The following USH2A variants were observed in gnomAD, a reference collection of about 807,000 sequenced individuals.
USH2A encodes usherin, also known as Usher syndrome 2A (autosomal recessive, mild).
A neutral mutation model predicts 538.9 loss-of-function variants in USH2A; 443 were observed. That is an observed-to-expected ratio of 0.82 (90% confidence interval 0.76 to 0.89). USH2A has a LOEUF of 0.89. USH2A is among the 40% of genes least tolerant of loss of function. The pLI, the probability that USH2A is intolerant of heterozygous loss-of-function variation, is 0.00. For synonymous variants in USH2A, 2,413 were observed against 2,273.5 expected (o/e 1.06, Z -1.75); for missense variants, 6,633 against 6,324.8 (o/e 1.05, Z -1.65).
intron 61 of USH2A, among the ~76,000 whole-genome samples, chr1:215,683,890 C>A (rs1461605237): frequency 6.6e-6 from 1 of 152,102 alleles, no homozygotes; most frequent in Non-Finnish European, 1.5e-5. Flanking sequence ...TGACTTCTGG[C>A]CTGCCACCTT....
chr1:216,303,020 G>C (rs1486314579), intron 9 of USH2A, among the ~76,000 whole-genome samples: 4 of 151,852 alleles, frequency 2.6e-5, no homozygotes, highest in Admixed American at 6.6e-5. Flanking sequence ...ATTCTTATTT[G>C]TTAATTTTCA....
intron 58 of USH2A, among the ~76,000 whole-genome samples, chr1:215,745,675 C>G (rs1167471241): frequency 1.3e-5 from 2 of 152,156 alleles, no homozygotes; most frequent in Non-Finnish European, 2.9e-5. Flanking sequence ...AGTTAAATAA[C>G]TTGTTCCAGA....
chr1:215,676,776 G>T (rs889094874), intron 62 of USH2A, among the ~76,000 whole-genome samples: 3 of 140,916 alleles, frequency 2.1e-5, no homozygotes, highest in Admixed American at 1.5e-4. Flanking sequence ...TGCAGCCTCT[G>T]TGACCCCCCA....
At chr1:216,161,298 T>C (rs2034054583) in intron 21 of USH2A, among the ~76,000 whole-genome samples, 1 of 152,066 alleles carries the variant, frequency 6.6e-6, no homozygotes, top group Non-Finnish European at 1.5e-5. Flanking sequence ...TTTATCAGCT[T>C]AACCTGTGTT....
In USH2A at chr1:216,199,805, A is replaced by T. The variant is rs1221995004; in HGVS notation, c.3633T>A (p.Val1211=). ...CAGAAAAATCGTACTTGGCAAATGG[A>T]ACCAGATTCCAGATGGTAGCTGAGG... The part of the protein sequence containing the change: ...HETSATIWNL[V]PFAKYDFSVQ... Residue 1211 remains valine (V), a synonymous_variant, in exon 17 of 72, where the codon GTT becomes GTA. Transcript: ENST00000307340. 6.2e-7 allele frequency: 1 copy of T among 1,614,138 alleles called. No homozygotes were observed. Among genetic ancestry groups the T allele is most frequent in the South Asian group, 1.1e-5 (1 of 91,086 alleles).
chr1:215,821,437 C>G (rs755789512), intron 47 of USH2A, among the ~76,000 whole-genome samples: 2 of 151,606 alleles, frequency 1.3e-5, no homozygotes, highest in African/African-American at 4.8e-5. Flanking sequence ...ATCATTTTCC[C>G]ATTTTTAATC....
chr1:215,828,271 G>A (rs1663211105), intron 47 of USH2A, among the ~76,000 whole-genome samples: 1 of 152,054 alleles, frequency 6.6e-6, no homozygotes, highest in South Asian at 2.1e-4. Context: ...GGGCGACACA[G>A]TGAGACCCCA....
At chr1:216,140,102 A>G (rs1248546864) in intron 21 of USH2A, among the ~76,000 whole-genome samples, 1 of 152,232 alleles carries the variant, frequency 6.6e-6, no homozygotes, top group Non-Finnish European at 1.5e-5. Flanking sequence ...GTGGCTAAAG[A>G]CAATTTGACT....
At chr1:216,237,770 T>C (rs2035859201) in intron 13 of USH2A, among the ~76,000 whole-genome samples, 1 of 152,200 alleles carries the variant, frequency 6.6e-6, no homozygotes, top group Non-Finnish European at 1.5e-5. Flanking sequence ...AATTGTCAAT[T>C]AGCAAGTTTT....
At chr1:215,802,903 T>C (rs946246946) in intron 49 of USH2A, among the ~76,000 whole-genome samples, 3 of 152,094 alleles carry the variant, frequency 2.0e-5, no homozygotes, top group African/African-American at 7.2e-5. Flanking sequence ...AAAAGTGTTA[T>C]ATACATACAA....
intron 37 of USH2A, among the ~76,000 whole-genome samples, chr1:215,951,419 C>T (rs1179653955): frequency 1.3e-5 from 2 of 152,118 alleles, no homozygotes; most frequent in Admixed American, 6.6e-5. Context: ...GTCTGAGAGA[C>T]AGTTTGTTAT....
At chr1:215,973,611 CCTCT>C (rs1667547232) in intron 35 of USH2A, among the ~76,000 whole-genome samples, 1 of 151,794 alleles carries the variant, frequency 6.6e-6, no homozygotes, top group Non-Finnish European at 1.5e-5. Context: ...TCTTCTACAT[CCTCT>C]CTCAGTGACA....
intron 55 of USH2A, among the ~76,000 whole-genome samples, chr1:215,768,751 C>G (rs1661199435): frequency 6.6e-6 from 1 of 152,058 alleles, no homozygotes; most frequent in Non-Finnish European, 1.5e-5. Flanking sequence ...CAATGTCTCC[C>G]CTTCATTCTC....
At chr1:216,245,917 C>T (rs113797198) in intron 13 of USH2A, among the ~76,000 whole-genome samples, 70 of 152,154 alleles carry the variant, frequency 4.6e-4, no homozygotes, top group African/African-American at 1.4e-3. Context: ...TGTTAAACAA[C>T]GGATAAGTAC....
chr1:215,751,084 G>A (rs980954370), intron 58 of USH2A, among the ~76,000 whole-genome samples: 1 of 152,040 alleles, frequency 6.6e-6, no homozygotes, highest in African/African-American at 2.4e-5. Flanking sequence ...CCCAATTAAT[G>A]TAATGTGAAT....
chr1:215,934,893 A>G, intron 37 of USH2A, 98 bp from the exon 38 acceptor site: 1 of 1,163,630 alleles, frequency 8.6e-7, no homozygotes, highest in Non-Finnish European at 1.2e-6. Flanking sequence ...ATACTGTACC[A>G]AATAGGTCTG....
At chr1:216,383,965 T>G (rs1378115448) in intron 3 of USH2A, among the ~76,000 whole-genome samples, 1 of 151,176 alleles carries the variant, frequency 6.6e-6, no homozygotes, top group Non-Finnish European at 1.5e-5. Context: ...CCTCCCAAAG[T>G]GCTGGGACTA....
intron 22 of USH2A, among the ~76,000 whole-genome samples, chr1:216,090,708 C>T (rs6688443): frequency 0.015 from 2,270 of 152,154 alleles, 57 homozygotes; most frequent in African/African-American, 0.052. Context: ...TGGTGTCGTG[C>T]CCAATTAATG....
chr1:215,707,164 A>T (rs1659205235), intron 61 of USH2A, among the ~76,000 whole-genome samples: 1 of 152,186 alleles, frequency 6.6e-6, no homozygotes, highest in African/African-American at 2.4e-5. Flanking sequence ...ATGCATTATT[A>T]ATTGTTCTAC....
Sources: allele counts gnomAD v4.1 joint callset (sites outside exome capture counted in the v4.1 genomes callset), GRCh38; gene constraint gnomAD v4.1.1; transcripts MANE v1.5; gene names NCBI Gene and HGNC (gene_info 2026-07-23, HGNC 2026-07-21).